ADAM11: variants seen among roughly 807,000 people sequenced by gnomAD.
ADAM11 encodes disintegrin and metalloproteinase domain-containing protein 11.
ADAM11 carries 49 observed loss-of-function variants against 119.1 expected under a neutral mutation model. The observed-to-expected ratio is 0.41, with a 90% CI of 0.33 to 0.52. ADAM11 has a LOEUF of 0.52. Among genes scored for constraint, ADAM11 ranks in the 20% least tolerant of loss-of-function variants. The pLI is 0.20. For missense variants in ADAM11, 777 were observed against 1,047.5 expected (o/e 0.74, Z 3.56); for synonymous variants, 364 against 408.0 (o/e 0.89, Z 1.30).
At position 44,777,264 on chromosome 17, in the gene ADAM11, C is replaced by A; in HGVS notation, c.1780C>A (p.Gln594Lys). The A allele has an allele frequency of 6.2e-7, 1 of 1,602,430 alleles. No individual in the cohort carries two copies. The change falls in exon 21 of 27, where the codon CAG (glutamine) becomes AAG (lysine). Residue 594 changes from glutamine to lysine, a missense_variant and splice_region_variant. By Grantham distance (53) the Gln-to-Lys change is moderately conservative. Around this residue, in one of 4 missense-constraint regions of ADAM11, gnomAD observed 348 missense variants for 486.7 expected, o/e 0.72. Coordinates refer to ENST00000200557, the MANE Select transcript of ADAM11 (RefSeq NM_002390.6). This position sits in a 1 kb window ranked among gnomAD's most constrained non-coding sequence, Gnocchi z 5.1. ...ATCTGGCTGGGTCCAGTGCAGTAAG[C>A]AGTGAGTACTGAGGCTCCCAGAGGG... ...KGSGWVQCSK[Q>K]DVLCGFLLCV...
chr17:44,775,990 A>C lies in ADAM11; in HGVS notation c.1486-137A>C. ...GTTCAAGAGGTGGTGGGAGCAGGGA[A>C]ATAAGAACAGGCCTGAAACGGGGCC... On this transcript the variant is annotated intron_variant, in intron 17 of 26. Transcript: ENST00000200557. The surrounding 1 kb of genome is among the most constrained non-coding windows in gnomAD (Gnocchi z 7.5). The C allele has an allele frequency of 9.8e-7, 1 of 1,020,774 alleles. No individual in the cohort carries two copies. The highest frequency in any genetic ancestry group is 1.5e-6 in the Non-Finnish European group (1 of 678,148). 63.2% of individuals were successfully genotyped at this position (1,020,774 alleles called of 1,614,324 possible). A position where few individuals can be genotyped will look rare whatever the true frequency, so the allele number is the denominator to read the frequency against.
At chr17:44,769,692 T>A in intron 2 of ADAM11, 26 bp from the exon 3 acceptor site, 1 of 1,563,684 alleles carries the variant, frequency 6.4e-7, no homozygotes, top group South Asian at 1.1e-5. Flanking sequence ...CTGGGTTGAC[T>A]CCCCCTCTGC....
chr17:44,772,191 C>A lies in ADAM11; in HGVS notation c.544-76C>A. On this transcript the variant is annotated intron_variant, in intron 6 of 26. Coordinates refer to ENST00000200557, the MANE Select transcript of ADAM11 (RefSeq NM_002390.6). The surrounding 1 kb of genome is among the most constrained non-coding windows in gnomAD (Gnocchi z 4.5). ...CCCCAGGGTGGGGTGGAGGCGAGGGCTGGATCTGGCCCCCGCCAAGTGGGC... is the reference window on the plus strand; with the variant it reads ...CCCCAGGGTGGGGTGGAGGCGAGGGATGGATCTGGCCCCCGCCAAGTGGGC... 1.4e-6 allele frequency: 2 copies of A among 1,401,444 alleles called. No homozygotes were observed. The highest frequency in any genetic ancestry group is 2.0e-6 in the Non-Finnish European group (2 of 1,013,898). The allele number at this position is 1,401,444 out of a possible 1,614,324, so 86.8% of individuals were successfully genotyped here. A position where few individuals can be genotyped will look rare whatever the true frequency, so the allele number is the denominator to read the frequency against.
Position 44,772,578 on chromosome 17 carries a change from G to A in ADAM11, c.678+112G>A, listed in dbSNP as rs2049540445. ...TCATCTATGGCTGGGGCGAAGGAAG[G>A]CTCAGATGGATGTGGCTGGGGGCCA... On this transcript the variant is annotated intron_variant, in intron 8 of 26. Coordinates refer to ENST00000200557, the MANE Select transcript of ADAM11 (RefSeq NM_002390.6). The surrounding 1 kb of genome is among the most constrained non-coding windows in gnomAD (Gnocchi z 4.5). 7.4e-7 allele frequency: 1 copy of A among 1,355,576 alleles called. No individual in the cohort carries two copies. The highest frequency in any genetic ancestry group is 1.5e-5 in the African/African-American group (1 of 68,326). 84.0% of individuals were successfully genotyped at this position (1,355,576 alleles called of 1,614,324 possible).
At chr17:44,763,142 TACA>T (rs990888766) in intron 2 of ADAM11, among the ~76,000 whole-genome samples, 9 of 152,056 alleles carry the variant, frequency 5.9e-5, no homozygotes, top group South Asian at 2.1e-4. Context: ...TCTCACACAA[TACA>T]ACAACAACAA....
rs201298711 is a variant in ADAM11 at position 44,775,484 on chromosome 17, G to A, written c.1392+19G>A. The A allele has an allele frequency of 8.7e-6, 14 of 1,600,346 alleles. No homozygotes were observed. In the East Asian group the frequency reaches 3.1e-4, roughly 36 times the overall value. ...GGTGCAGGTGAGCGGTGGTGCGGGC[G>A]CCAGGTGGGGAACCGGGATGCGGGG... On this transcript the variant is annotated intron_variant, in intron 16 of 26. Transcript: ENST00000200557. The surrounding 1 kb of genome is among the most constrained non-coding windows in gnomAD (Gnocchi z 7.5).
chr17:44,760,090 T>C (rs4793147), intron 2 of ADAM11, among the ~76,000 whole-genome samples, 193 bp downstream of exon 2: 151,975 of 152,300 alleles, frequency 1, 75,827 homozygotes, highest in Middle Eastern at 1. Flanking sequence ...AGGGCCCCCT[T>C]CCATTATTGT....
chr17:44,768,695 C>T (rs1024578034), intron 2 of ADAM11, among the ~76,000 whole-genome samples: 4 of 152,198 alleles, frequency 2.6e-5, no homozygotes, highest in African/African-American at 4.8e-5. Flanking sequence ...AGGAGGAAGC[C>T]GACAAGGCAC....
chr17:44,767,411 G>A (rs1001457883), intron 2 of ADAM11, among the ~76,000 whole-genome samples: 12 of 151,610 alleles, frequency 7.9e-5, no homozygotes, highest in African/African-American at 2.7e-4. Flanking sequence ...GGCTTGGGGC[G>A]GTCTTGGGAC....
chr17:44,765,983 G>T (rs895556950), intron 2 of ADAM11, among the ~76,000 whole-genome samples: 1 of 152,192 alleles, frequency 6.6e-6, no homozygotes, highest in Admixed American at 6.5e-5. Flanking sequence ...CAGGCCTTGC[G>T]ATACATTTCC....
chr17:44,760,854 T>TAAA (rs1362475489), intron 2 of ADAM11, among the ~76,000 whole-genome samples: 1 of 151,676 alleles, frequency 6.6e-6, no homozygotes. Flanking sequence ...TGTACTTGGT[T>TAAA]AAAAGCCCTT....
chr17:44,775,247 T>C lies in ADAM11; in HGVS notation c.1256T>C (p.Ile419Thr). The C allele has an allele frequency of 1.2e-6, 2 of 1,613,870 alleles. No individual in the cohort carries two copies. Among genetic ancestry groups the C allele is most frequent in the African/African-American group, 1.3e-5 (1 of 75,056 alleles). The change falls in exon 15 of 27, where the codon ATC becomes ACC. Residue 419 changes from isoleucine (I) to threonine (T), a missense_variant. Coordinates refer to ENST00000200557, the MANE Select transcript of ADAM11 (RefSeq NM_002390.6). The surrounding 1 kb of genome is among the most constrained non-coding windows in gnomAD (Gnocchi z 7.5). ...YLPRKFSRCS[I>T]DEYNQFLQEG... ...CCCCGCAAGTTCTCGCGCTGTAGCA[T>C]CGACGAGTACAACCAGTTTCTGCAG...
intron 4 of ADAM11, 83 bp from the exon 5 acceptor site, chr17:44,771,490 ACAGGGCAGCTT>A (rs2049523485): frequency 7.8e-7 from 1 of 1,285,338 alleles, no homozygotes; most frequent in Non-Finnish European, 1.1e-6. Flanking sequence ...CCACCTGCAC[ACAGGGCAGCTT>A]CAGTGTCCCC....
At position 44,759,174 on chromosome 17, in the gene ADAM11, C is replaced by T; in HGVS notation, c.-26C>T. 1 of 1,324,958 alleles carries T rather than the reference C, an allele frequency of 7.5e-7. No individual in the cohort carries two copies. Among genetic ancestry groups the T allele is most frequent in the Admixed American group, 3.4e-5 (1 of 29,308 alleles). The allele number at this position is 1,324,958 out of a possible 1,614,324, so 82.1% of individuals were successfully genotyped here. A position where few individuals can be genotyped will look rare whatever the true frequency, so the allele number is the denominator to read the frequency against. ...CCCCGCGCCGCTGGCAGCCGCAGCCCCCGGACCGGGAGGAATGAGCGAGCC... is the reference window on the plus strand; with the variant it reads ...CCCCGCGCCGCTGGCAGCCGCAGCCTCCGGACCGGGAGGAATGAGCGAGCC... On this transcript the variant is annotated 5_prime_UTR_variant, in exon 1 of 27. Coordinates refer to ENST00000200557, the MANE Select transcript of ADAM11 (RefSeq NM_002390.6).
Position 44,772,657 on chromosome 17 carries a change from AG to A in ADAM11, c.678+193del, listed in dbSNP as rs2049541456. Reference sequence around the variant, plus strand: ...CCTTCCCTAATGCTGGCATCTACAGAGGCCCCATCCTGGGCAAACCGAGGCT... The same window carrying A: ...CCTTCCCTAATGCTGGCATCTACAGAGCCCCATCCTGGGCAAACCGAGGCT... On this transcript the variant is annotated intron_variant, in intron 8 of 26. Transcript: ENST00000200557. This position sits in a 1 kb window ranked among gnomAD's most constrained non-coding sequence, Gnocchi z 4.5. Among the ~76,000 whole-genome samples the A allele has an allele frequency of 6.6e-6, 1 of 152,034 alleles. No homozygotes were observed. Among genetic ancestry groups the A allele is most frequent in the Admixed American group, 6.5e-5 (1 of 15,276 alleles).
At chr17:44,763,201 T>G (rs1488959127) in intron 2 of ADAM11, among the ~76,000 whole-genome samples, 1 of 152,182 alleles carries the variant, frequency 6.6e-6, no homozygotes, top group Non-Finnish European at 1.5e-5. Context: ...TAGGCCTTTT[T>G]GGGGCAGGCA....
rs774037102 is a variant in ADAM11, at chr17:44,771,630, C to T, written c.428C>T (p.Pro143Leu). ...TACCAGGGGAAGCTCCGGGGGAACC[C>T]GCACTCCTTCGCCGCCCTCTCCACC... ...CYYQGKLRGN[P>L]HSFAALSTCQ... Residue 143 changes from proline to leucine, a missense_variant, in exon 5 of 27, where the codon CCG (proline) becomes CTG (leucine). Coordinates refer to ENST00000200557, the MANE Select transcript of ADAM11 (RefSeq NM_002390.6). The T allele has an allele frequency of 1.9e-5, 31 of 1,611,418 alleles. No individual in the cohort carries two copies. Among genetic ancestry groups the T allele is most frequent in the African/African-American group, 2.7e-5 (2 of 74,792 alleles).
rs2049596298 is a variant in ADAM11, at chr17:44,776,034, C to T, written c.1486-93C>T. On this transcript the variant is annotated intron_variant, in intron 17 of 26. Coordinates refer to ENST00000200557, the MANE Select transcript of ADAM11 (RefSeq NM_002390.6). This position sits in a 1 kb window ranked among gnomAD's most constrained non-coding sequence, Gnocchi z 5.2. ...CGGGGCCCTGGGGAGCTGGAGGGCC[C>T]GGGGATGTGGGGGTCCAGAGAGCGA... 5 of 1,446,700 alleles carry T rather than the reference C, an allele frequency of 3.5e-6. No homozygotes were observed. In the East Asian group the frequency reaches 6.9e-5, roughly 20 times the overall value. The allele number at this position is 1,446,700 out of a possible 1,614,324, so 89.6% of individuals were successfully genotyped here. A position where few individuals can be genotyped will look rare whatever the true frequency, so the allele number is the denominator to read the frequency against.
chr17:44,771,727 G>A (rs746908261), intron 5 of ADAM11, 29 bp from the exon 6 acceptor site: 31 of 1,612,678 alleles, frequency 1.9e-5, no homozygotes, highest in East Asian at 4.5e-5. Context: ...GCCTGGGGAC[G>A]GAGGGGAGCT....
Sources: gnomAD v4.1 joint callset for allele counts (sites outside exome capture counted in the v4.1 genomes callset) on GRCh38, gnomAD v4.1.1 for gene constraint, gnomAD v4.1.1 regional missense constraint, Gnocchi (gnomAD v3.1) non-coding constraint, MANE v1.5 for transcripts, NCBI Gene and HGNC (gene_info 2026-07-23, HGNC 2026-07-21) for gene names.